Variants in SDCCAG8 observed in about 807,000 individuals in gnomAD.
SDCCAG8 encodes the protein serologically defined colon cancer antigen 8.
A neutral mutation model predicts 101.8 loss-of-function variants in SDCCAG8; 74 were observed. That is an observed-to-expected ratio of 0.73 (90% CI 0.60 to 0.88). The LOEUF is 0.88. SDCCAG8 is among the 40% of genes least tolerant of loss of function. The pLI is 0.00. For missense variants in SDCCAG8, 787 were observed against 822.6 expected, an observed-to-expected ratio of 0.96 and a Z score of 0.53; for synonymous variants, 281 against 292.9, an observed-to-expected ratio of 0.96 and a Z score of 0.41.
intron 13 of SDCCAG8, among the ~76,000 whole-genome samples, chr1:243,391,561 C>G (rs1227844975): frequency 6.6e-6 from 1 of 152,190 alleles, no homozygotes; most frequent in African/African-American, 2.4e-5. Context: ...GCATCTCCTG[C>G]CTTGACCAAG....
At chr1:243,483,693 C>T (rs550238821) in intron 16 of SDCCAG8, among the ~76,000 whole-genome samples, 5 of 152,338 alleles carry the variant, frequency 3.3e-5, no homozygotes, top group Non-Finnish European at 7.4e-5. Context: ...GGTGGCATTT[C>T]CCACAAACCG....
chr1:243,374,577 TAG>T (rs1458602594), intron 12 of SDCCAG8, among the ~76,000 whole-genome samples: 1 of 152,074 alleles, frequency 6.6e-6, no homozygotes, highest in Non-Finnish European at 1.5e-5. Flanking sequence ...AATTTCAAAA[TAG>T]AGTTTTATAC....
At chr1:243,424,669 T>C (rs568347481) in intron 15 of SDCCAG8, among the ~76,000 whole-genome samples, 2 of 152,156 alleles carry the variant, frequency 1.3e-5, no homozygotes, top group East Asian at 3.9e-4. Context: ...GATAGATTTC[T>C]TGGTTAAGTT....
chr1:243,428,664 T>C (rs2081505878), intron 16 of SDCCAG8, among the ~76,000 whole-genome samples: 1 of 152,206 alleles, frequency 6.6e-6, no homozygotes, highest in Admixed American at 6.5e-5. Flanking sequence ...ATAAAATATA[T>C]GCAAATCTAT....
chr1:243,448,548 C>T (rs541158308), intron 16 of SDCCAG8, among the ~76,000 whole-genome samples: 2 of 152,230 alleles, frequency 1.3e-5, no homozygotes, highest in South Asian at 2.1e-4. Flanking sequence ...ATTCACAGTC[C>T]GGGTGCTCGT....
At chr1:243,393,929 G>A (rs181049229) in intron 13 of SDCCAG8, among the ~76,000 whole-genome samples, 2 of 152,092 alleles carry the variant, frequency 1.3e-5, no homozygotes, top group Non-Finnish European at 2.9e-5. Flanking sequence ...ACTGTGGGTT[G>A]AACATCAAAA....
chr1:243,383,094 A>G (rs1279673218), intron 13 of SDCCAG8, among the ~76,000 whole-genome samples: 1 of 152,246 alleles, frequency 6.6e-6, no homozygotes, highest in Non-Finnish European at 1.5e-5. Context: ...GGTTAAAAGC[A>G]CATAGAAAGG....
rs181241787 is a variant in SDCCAG8, at chr1:243,378,045, C to T, written c.1474-676C>T. Among the ~76,000 whole-genome samples, 221 of 151,664 alleles carry T rather than the reference C, an allele frequency of 1.5e-3. 1 individual carries two copies. The highest frequency in any genetic ancestry group is 5.1e-3 in the African/African-American group (213 of 41,460). On this transcript the variant is annotated intron_variant, in intron 12 of 17. Transcript: ENST00000366541. ...TTTCATCCCGAAACCAAAAAATAAACCTTCATAAATTTTATATATTCATAT... is the reference window on the plus strand; with the variant it reads ...TTTCATCCCGAAACCAAAAAATAAATCTTCATAAATTTTATATATTCATAT...
chr1:243,294,936 C>A (rs904635710), intron 6 of SDCCAG8, among the ~76,000 whole-genome samples: 8 of 152,050 alleles, frequency 5.3e-5, no homozygotes, highest in Admixed American at 1.3e-4. Flanking sequence ...TAGAATGAAT[C>A]ATAGTTCAGG....
intron 12 of SDCCAG8, among the ~76,000 whole-genome samples, chr1:243,364,267 T>C (rs757517890): frequency 2.0e-5 from 3 of 152,186 alleles, no homozygotes; most frequent in Non-Finnish European, 4.4e-5. Context: ...GAGGAATTAT[T>C]TTGTGTCACC....
chr1:243,274,606 G>A lies in SDCCAG8; in HGVS notation c.370G>A (p.Asp124Asn). Residue 124 changes from aspartate (D) to asparagine (N), a missense_variant, in exon 4 of 18, where the codon GAC (aspartate) becomes AAC (asparagine). Physicochemically the swap from Asp to Asn is conservative, Grantham distance 23 (BLOSUM62 1). Transcript: ENST00000366541. ...TMHDLVHTIN[D>N]QSQYIHHLEA... ...GCACGACCTTGTTCATACTATTAAT[G>A]ACCAGTCTCAATATATTCATCATTT... is the stretch of plus-strand genomic sequence containing the variant. 3 of 1,611,700 alleles carry A rather than the reference G, an allele frequency of 1.9e-6. No individual in the cohort carries two copies. The highest frequency in any genetic ancestry group is 2.5e-6 in the Non-Finnish European group (3 of 1,178,360).
rs780789700 is a variant in SDCCAG8 at position 243,415,790 on chromosome 1, C to T, written c.1705C>T (p.Gln569Ter). ...QAQQREQELT[Q>*]KIQQMEAQHD... is the part of the protein sequence containing the mutation. The stretch of plus-strand genomic sequence containing the variant: ...CCAGCAAAGAGAGCAGGAGCTGACA[C>T]AGAAGATACAGCAAATGGAGGCCCA... The change falls in exon 14 of 18, where the codon CAG becomes TAG. Residue 569 changes from glutamine (Q) to a stop codon, truncating the protein, a stop_gained. Coordinates refer to ENST00000366541, the MANE Select transcript of SDCCAG8 (RefSeq NM_006642.5). LOFTEE classifies it high-confidence loss of function. The T allele has an allele frequency of 6.2e-7, 1 of 1,613,710 alleles. No homozygotes were observed. The highest frequency in any genetic ancestry group is 8.5e-7 in the Non-Finnish European group (1 of 1,179,776).
At chr1:243,302,497 C>A (rs1053963113) in intron 6 of SDCCAG8, among the ~76,000 whole-genome samples, 2 of 152,220 alleles carry the variant, frequency 1.3e-5, no homozygotes, top group Non-Finnish European at 2.9e-5. Context: ...TCCTAACTCA[C>A]GAGACTTGAA....
chr1:243,323,744 C>T (rs1336991796), intron 9 of SDCCAG8, among the ~76,000 whole-genome samples: 4 of 152,218 alleles, frequency 2.6e-5, no homozygotes, highest in African/African-American at 7.2e-5. Flanking sequence ...GTGCTCGCTT[C>T]ATGATCACTG....
chr1:243,452,412 C>T lies in SDCCAG8; in HGVS notation c.1985+25854C>T, dbSNP rs199725984. 5.4e-4 allele frequency among the ~76,000 whole-genome samples: 52 copies of T among 96,644 alleles called. 2 individuals carry two copies. The highest frequency in any genetic ancestry group is 8.8e-4 in the African/African-American group (20 of 22,652). The allele number at this position is 96,644 out of a possible 152,430, so 63.4% of individuals were successfully genotyped here. ...CTCCCTACCCTTGAGATGATCTCAT[C>T]TCTTTTTTTTTTTTTTTTTTTTTTT... On this transcript the variant is annotated intron_variant, in intron 16 of 17. Coordinates refer to ENST00000366541, the MANE Select transcript of SDCCAG8 (RefSeq NM_006642.5).
chr1:243,477,033 C>CACACACACAGAGAG (rs942231630), intron 16 of SDCCAG8, among the ~76,000 whole-genome samples: 4 of 150,320 alleles, frequency 2.7e-5, no homozygotes, highest in African/African-American at 9.9e-5. Flanking sequence ...CACACACACA[C>CACACACACAGAGAG]AGAGAGAAAG....
At chr1:243,451,832 G>T (rs1003191708) in intron 16 of SDCCAG8, among the ~76,000 whole-genome samples, 7 of 152,222 alleles carry the variant, frequency 4.6e-5, no homozygotes, top group African/African-American at 1.7e-4. Flanking sequence ...AGAAGGCTGA[G>T]GTGGGAGGAT....
intron 13 of SDCCAG8, among the ~76,000 whole-genome samples, chr1:243,403,968 A>G (rs57481730): frequency 0.03 from 4,494 of 152,280 alleles, 140 homozygotes; most frequent in African/African-American, 0.076. Context: ...CATTGATGCC[A>G]AAAAGGCTGG....
chr1:243,446,818 T>C (rs2082943686), intron 16 of SDCCAG8, among the ~76,000 whole-genome samples: 1 of 152,112 alleles, frequency 6.6e-6, no homozygotes, highest in Non-Finnish European at 1.5e-5. Flanking sequence ...TTGGGGCTGC[T>C]TGGGGCTGCA....
Sources: gnomAD v4.1 joint callset for allele counts (sites outside exome capture counted in the v4.1 genomes callset) on GRCh38, gnomAD v4.1.1 for gene constraint, MANE v1.5 for transcripts, NCBI Gene and HGNC (gene_info 2026-07-23, HGNC 2026-07-21) for gene names.